The following BRWD1 variants were observed in gnomAD, a reference collection of about 807,000 sequenced individuals.
The protein encoded by BRWD1 is bromodomain and WD repeat domain containing 1.
Under a neutral mutation model 251.2 loss-of-function variants are expected in BRWD1, and 82 were observed. The ratio of observed to expected loss-of-function variants is 0.33; its 90% CI spans 0.27 to 0.39. BRWD1 has a LOEUF of 0.39. BRWD1 is among the 10% of genes least tolerant of loss of function. The pLI, the probability that BRWD1 is intolerant of heterozygous loss-of-function variation, is 1.00. For synonymous variants in BRWD1, 918 were observed against 902.8 expected (o/e 1.02, Z -0.30); for missense variants, 2,233 against 2,711.6 (o/e 0.82, Z 3.92).
intron 18 of BRWD1, among the ~76,000 whole-genome samples, chr21:39,256,549 G>A (rs1265193342): frequency 6.6e-6 from 1 of 152,188 alleles, no homozygotes; most frequent in Non-Finnish European, 1.5e-5. Flanking sequence ...GAGCCTGAGG[G>A]GCTGCTGTTA....
chr21:39,249,954 G>A (rs1010326736), intron 20 of BRWD1, among the ~76,000 whole-genome samples: 2 of 142,340 alleles, frequency 1.4e-5, no homozygotes, highest in African/African-American at 2.6e-5. Context: ...GTGTGTGTGT[G>A]TGTATACACA....
rs1368185940 is a variant in BRWD1, at chr21:39,189,246, GAAGAA to G, written c.*7008_*7012del. 5.1e-6 allele frequency: 5 copies of G among 984,836 alleles called. No homozygotes were observed. The African/African-American group carries it at 5.2e-5, about 10-fold the overall frequency. 61.0% of individuals were successfully genotyped at this position (984,836 alleles called of 1,614,324 possible). A position where few individuals can be genotyped will look rare whatever the true frequency, so the allele number is the denominator to read the frequency against. On this transcript the variant is annotated 3_prime_UTR_variant, in exon 41 of 41. Coordinates refer to ENST00000342449, the MANE Select transcript of BRWD1 (RefSeq NM_033656.4). Reference sequence around the variant, plus strand: ...CAACTAGCTGCACCATTTGCATTTGGAAGAAAAGAACAGATAACTGGTTCATTCCC... The same window carrying G: ...CAACTAGCTGCACCATTTGCATTTGGAAGAACAGATAACTGGTTCATTCCC...
In BRWD1 at chr21:39,189,741, A is replaced by G; in HGVS notation, c.*6518T>C. On this transcript the variant is annotated 3_prime_UTR_variant, in exon 41 of 41. Coordinates refer to ENST00000342449, the MANE Select transcript of BRWD1 (RefSeq NM_033656.4). ...ATTACTGAAAACTGAGTAAATTATA[A>G]AGTGCTTTTTCTCAAGAAAACTACA... 11 of 981,880 alleles carry G rather than the reference A, an allele frequency of 1.1e-5. No individual in the cohort carries two copies. The South Asian group carries it at 4.2e-4, about 38-fold the overall frequency. 60.8% of individuals were successfully genotyped at this position (981,880 alleles called of 1,614,324 possible).
At chr21:39,216,780 A>T in intron 31 of BRWD1, 1 of 319,072 alleles carries the variant, frequency 3.1e-6, no homozygotes, top group Non-Finnish European at 6.1e-6. Context: ...TTGCTTACAG[A>T]AATATATTTT....
At chr21:39,281,078 G>T (rs1399367795) in intron 8 of BRWD1, among the ~76,000 whole-genome samples, 12 of 152,206 alleles carry the variant, frequency 7.9e-5, no homozygotes, top group South Asian at 2.1e-4. Context: ...GGGGGAATAT[G>T]GTATATGATA....
At chr21:39,262,634 GA>G (rs1240501313) in intron 17 of BRWD1, among the ~76,000 whole-genome samples, 1 of 151,976 alleles carries the variant, frequency 6.6e-6, no homozygotes, top group Non-Finnish European at 1.5e-5. Context: ...AAAACCACTT[GA>G]ACCCGGGTGG....
chr21:39,202,208 G>A (rs1009051260), intron 38 of BRWD1, 117 bp downstream of exon 38: 2 of 656,750 alleles, frequency 3.0e-6, no homozygotes, highest in Non-Finnish European at 2.5e-6. Context: ...CCATTAAACT[G>A]TAAGTTCTTT....
In BRWD1 at chr21:39,206,725, C is replaced by T. The variant is rs1406726845; in HGVS notation, c.4198-451G>A. On this transcript the variant is annotated intron_variant, in intron 36 of 40. Transcript: ENST00000342449. ...CTCTGTCTGCAATCTGTTTTCAATG[C>T]CACCTAATTCTAAAAATGAAACAAA... Among the ~76,000 whole-genome samples, 3 of 152,234 alleles carry T rather than the reference C, an allele frequency of 2.0e-5. No individual in the cohort carries two copies. In the East Asian group the frequency reaches 5.8e-4, roughly 29 times the overall value.
At chr21:39,295,175 GTTTTTTTTTTTTTTTT>G (rs869129436) in intron 7 of BRWD1, among the ~76,000 whole-genome samples, 1 of 64,670 alleles carries the variant, frequency 1.5e-5, no homozygotes, top group African/African-American at 5.2e-5. Flanking sequence ...GTATGTCTAT[GTTTTTTTTTTTTTTTT>G]TTTTTTTTTT....
intron 5 of BRWD1, chr21:39,298,105 A>G: frequency 9.9e-7 from 1 of 1,009,952 alleles, no homozygotes; most frequent in Non-Finnish European, 1.2e-6. Flanking sequence ...TTAGACACAT[A>G]CAATTACATT....
In BRWD1 at chr21:39,196,658, A is replaced by G. The variant is rs754314852; in HGVS notation, c.6411T>C (p.Asn2137=). The G allele has an allele frequency of 1.2e-6, 2 of 1,613,692 alleles. No individual in the cohort carries two copies. Among genetic ancestry groups the G allele is most frequent in the Non-Finnish European group, 8.5e-7 (1 of 1,179,818 alleles). Residue 2137 remains asparagine, a synonymous_variant, in exon 41 of 41, where the codon AAT becomes AAC. Transcript: ENST00000342449. ...KRKRSHPELE[N]VKISETTGNS... ...TCCCAGTTGTTTCAGAGATTTTCACATTTTCCAATTCAGGATGCGATCTCT... is the reference window on the plus strand; with the variant it reads ...TCCCAGTTGTTTCAGAGATTTTCACGTTTTCCAATTCAGGATGCGATCTCT...
At chr21:39,284,817 CTCTT>C (rs1196571807) in intron 8 of BRWD1, among the ~76,000 whole-genome samples, 2 of 152,074 alleles carry the variant, frequency 1.3e-5, no homozygotes, top group African/African-American at 4.8e-5. Context: ...TGGATATTAA[CTCTT>C]TGTCAGATGC....
chr21:39,228,189 G>A (rs953301456), intron 27 of BRWD1, among the ~76,000 whole-genome samples: 3 of 152,138 alleles, frequency 2.0e-5, no homozygotes, highest in Non-Finnish European at 4.4e-5. Flanking sequence ...TCAGGAGGCT[G>A]AGGCAAGAGA....
At chr21:39,247,601 C>T in intron 21 of BRWD1, 100 bp downstream of exon 21, 1 of 1,230,930 alleles carries the variant, frequency 8.1e-7, no homozygotes, top group East Asian at 2.6e-5. Context: ...CTGCAGAATG[C>T]TGTGTTTTCA....
intron 17 of BRWD1, among the ~76,000 whole-genome samples, chr21:39,261,925 A>G (rs183873507): frequency 1.3e-5 from 2 of 152,354 alleles, no homozygotes; most frequent in East Asian, 3.8e-4. Context: ...ATCCCAATTA[A>G]AAGTTATCAG....
intron 8 of BRWD1, among the ~76,000 whole-genome samples, chr21:39,288,670 A>G (rs1407133832): frequency 2.6e-5 from 4 of 152,200 alleles, no homozygotes; most frequent in African/African-American, 9.6e-5. Flanking sequence ...CAATTAACAC[A>G]TATTTTTGTA....
intron 17 of BRWD1, among the ~76,000 whole-genome samples, chr21:39,260,440 T>C (rs995099139): frequency 3.3e-5 from 5 of 152,182 alleles, no homozygotes; most frequent in African/African-American, 1.2e-4. Context: ...GCACTCAGCC[T>C]AACTTTTCTT....
chr21:39,270,031 T>C lies in BRWD1; in HGVS notation c.1398A>G (p.Gly466=). 1 of 1,555,400 alleles carries C rather than the reference T, an allele frequency of 6.4e-7. No individual in the cohort carries two copies. Among genetic ancestry groups the C allele is most frequent in the Non-Finnish European group, 8.7e-7 (1 of 1,152,954 alleles). ...YTGQLLHNLM[G]HADEVFVLET... ...CCAGAACAAATACTTCATCAGCATG[T>C]CCCTTTATTTAACAAAGTCATAACA... Residue 466 remains glycine, a splice_region_variant and synonymous_variant, in exon 15 of 41, where the codon GGA becomes GGG. Coordinates refer to ENST00000342449, the MANE Select transcript of BRWD1 (RefSeq NM_033656.4).
At chr21:39,250,928 T>C (rs1486577544) in intron 19 of BRWD1, 39 bp from the exon 20 acceptor site, 2 of 1,226,702 alleles carry the variant, frequency 1.6e-6, no homozygotes, top group East Asian at 2.4e-5. Flanking sequence ...ACTACTGAAC[T>C]GATGGATAAC....
Sources: allele counts gnomAD v4.1 joint callset (sites outside exome capture counted in the v4.1 genomes callset), GRCh38; gene constraint gnomAD v4.1.1; transcripts MANE v1.5; gene names NCBI Gene and HGNC (gene_info 2026-07-23, HGNC 2026-07-21).